The following CHAD variants were observed in gnomAD, a reference collection of about 807,000 sequenced individuals.
The protein encoded by CHAD is chondroadherin.
CHAD carries 18 observed loss-of-function variants against 24.0 expected under a neutral mutation model. That is an observed-to-expected ratio of 0.75 (90% CI 0.52 to 1.11). The LOEUF (loss-of-function observed/expected upper bound fraction) is 1.11, where lower values mean the gene tolerates loss of function less well. Ranked by LOEUF, CHAD falls within the 50% of genes most tolerant of loss-of-function variation. The probability of loss-of-function intolerance (pLI) is 0.00; values close to 1 mark genes in which losing one functional copy is unlikely to be tolerated. For synonymous variants in CHAD, 195 were observed against 211.6 expected, an observed-to-expected ratio of 0.92 and a Z score of 0.68; for missense variants, 440 against 467.2, an observed-to-expected ratio of 0.94 and a Z score of 0.54.
Position 50,465,784 on chromosome 17 carries a change from G to A in CHAD, c.861C>T (p.Phe287=). Residue 287 remains phenylalanine, a synonymous_variant, in exon 2 of 4, where the codon TTC becomes TTT. Transcript: ENST00000508540. Reference sequence around the variant, plus strand: ...CGAGGGTCTCCAGGCTGTCGAAGGGGAAGTTGGAGGGTAGCTGGTTCAAGC... The same window carrying A: ...CGAGGGTCTCCAGGCTGTCGAAGGGAAAGTTGGAGGGTAGCTGGTTCAAGC... The part of the protein sequence containing the change: ...NNRLNQLPSN[F]PFDSLETLAL... The A allele has an allele frequency of 6.2e-7, 1 of 1,613,886 alleles. No individual in the cohort carries two copies. The highest frequency in any genetic ancestry group is 8.5e-7 in the Non-Finnish European group (1 of 1,179,996).
rs34864120 is a variant in CHAD, at chr17:50,468,235, G to A, written c.579C>T (p.Asp193=). The change falls in exon 1 of 4, where the codon GAC becomes GAT. Residue 193 remains aspartate, a synonymous_variant. Transcript: ENST00000508540. ...CGTGGAATTTGGCGAGGTTCTCCAC[G>A]TCGTCCAGGGCCCCGGGCTGCAGGG... The part of the protein sequence containing the change: ...LSSLQPGALD[D]VENLAKFHVD... 0.28 allele frequency: 451,523 copies of A among 1,611,890 alleles called. 65,678 individuals carry two copies. Among genetic ancestry groups the A allele is most frequent in the Middle Eastern group, 0.32 (1,944 of 6,054 alleles).
At chr17:50,466,280 G>A (rs1318526663) in intron 1 of CHAD, among the ~76,000 whole-genome samples, 4 of 151,728 alleles carry the variant, frequency 2.6e-5, no homozygotes, top group African/African-American at 9.7e-5. Context: ...TAGTAGAGAC[G>A]CAGTTTCACC....
chr17:50,465,732 T>TA lies in CHAD; in HGVS notation c.912dup (p.Thr305TyrfsTer35). ...CGCCGAAGGCCCCGGAGCTGGCAGG[T>TA]ACACTTCCAGGGGTTATTGGTAAGG... On this transcript the variant is annotated frameshift_variant, in exon 2 of 4. Coordinates refer to ENST00000508540, the MANE Select transcript of CHAD (RefSeq NM_001267.3). LOFTEE classifies it high-confidence loss of function. 6.2e-7 allele frequency: 1 copy of TA among 1,613,516 alleles called. No homozygotes were observed. The highest frequency in any genetic ancestry group is 8.5e-7 in the Non-Finnish European group (1 of 1,179,914).
At chr17:50,467,656 T>C (rs2143767669) in intron 1 of CHAD, among the ~76,000 whole-genome samples, 1 of 152,180 alleles carries the variant, frequency 6.6e-6, no homozygotes, top group South Asian at 2.1e-4. Flanking sequence ...AAACCTTCCT[T>C]TATGGGGTGG....
In CHAD at chr17:50,465,706, C is replaced by T; in HGVS notation, c.938+1G>A. 1 of 1,613,274 alleles carries T rather than the reference C, an allele frequency of 6.2e-7. No individual in the cohort carries two copies. Among genetic ancestry groups the T allele is most frequent in the Non-Finnish European group, 8.5e-7 (1 of 1,179,874 alleles). On this transcript the variant is annotated splice_donor_variant, in intron 2 of 3. Coordinates refer to ENST00000508540, the MANE Select transcript of CHAD (RefSeq NM_001267.3). LOFTEE classifies it high-confidence loss of function. ...TGGGAGTGACATGGAAGTGTTCTTA[C>T]CGCCGAAGGCCCCGGAGCTGGCAGG... is the stretch of plus-strand genomic sequence containing the variant.
chr17:50,465,134 T>C (rs1315717014), intron 3 of CHAD, 85 bp from the exon 4 acceptor site: 2 of 759,278 alleles, frequency 2.6e-6, no homozygotes, highest in Non-Finnish European at 2.1e-6. Context: ...GGCAGGACCT[T>C]TTCCTCCCTT....
Position 50,464,951 on chromosome 17 carries a change from G to A in CHAD, c.*103C>T. 1 of 358,662 alleles carries A rather than the reference G, an allele frequency of 2.8e-6. No individual in the cohort carries two copies. Among genetic ancestry groups the A allele is most frequent in the Non-Finnish European group, 5.3e-6 (1 of 187,838 alleles). 22.2% of individuals were successfully genotyped at this position (358,662 alleles called of 1,614,324 possible). On this transcript the variant is annotated 3_prime_UTR_variant, in exon 4 of 4. Transcript: ENST00000508540. ...TAGGTGTAGGCAGCTCTGTGCATCA[G>A]CAGAGGCTGTGGGGAGAAGGTATGG...
chr17:50,466,820 A>G (rs1408737820), intron 1 of CHAD, among the ~76,000 whole-genome samples: 1 of 152,088 alleles, frequency 6.6e-6, no homozygotes, highest in Non-Finnish European at 1.5e-5. Context: ...CCTGCCCCAA[A>G]CCAGCCCCTA....
rs2032939499 is a variant in CHAD, at chr17:50,468,873, C to T, written c.-60G>A. On this transcript the variant is annotated 5_prime_UTR_variant, in exon 1 of 4. Transcript: ENST00000508540. ...AGCGGCGGCGGGGCGCGGGCAGCGG[C>T]GAGTCCTAGGCGCTCGGGTCTGCCG... 2.1e-6 allele frequency: 3 copies of T among 1,444,884 alleles called. No homozygotes were observed. Among genetic ancestry groups the T allele is most frequent in the South Asian group, 1.5e-5 (1 of 67,968 alleles). 89.5% of individuals were successfully genotyped at this position (1,444,884 alleles called of 1,614,324 possible).
Position 50,468,715 on chromosome 17 carries a change from C to T in CHAD, c.99G>A (p.Leu33=), listed in dbSNP as rs1340482084. 1.2e-6 allele frequency: 2 copies of T among 1,612,442 alleles called. No homozygotes were observed. The highest frequency in any genetic ancestry group is 2.2e-5 in the South Asian group (2 of 91,044). The change falls in exon 1 of 4, where the codon CTG becomes CTA. Residue 33 remains leucine, a synonymous_variant. Transcript: ENST00000508540. ...CCACCTTGTCGCAGATGACGTGCTG[C>T]AGGTCGCTGTGGCAGTGGCAGTTCT... ...CPQNCHCHSD[L]QHVICDKVGL...
At chr17:50,466,874 T>A (rs533866405) in intron 1 of CHAD, among the ~76,000 whole-genome samples, 1 of 152,224 alleles carries the variant, frequency 6.6e-6, no homozygotes, top group Non-Finnish European at 1.5e-5. Context: ...CTGGCACTGG[T>A]GGGCCACAGG....
Position 50,468,839 on chromosome 17 carries a change from G to T in CHAD, c.-26C>A, listed in dbSNP as rs1016584143. The T allele has an allele frequency of 4.8e-6, 7 of 1,464,200 alleles. No homozygotes were observed. The highest frequency in any genetic ancestry group is 6.3e-6 in the Non-Finnish European group (7 of 1,117,376). The allele number at this position is 1,464,200 out of a possible 1,614,324, so 90.7% of individuals were successfully genotyped here. ...GGCTGGGACGCCTGGGGCCGGGGCT[G>T]GGGGCAGCAGCGGCGGCGGGGCGCG... On this transcript the variant is annotated 5_prime_UTR_variant, in exon 1 of 4. Coordinates refer to ENST00000508540, the MANE Select transcript of CHAD (RefSeq NM_001267.3).
chr17:50,466,279 C>T (rs1279780840), intron 1 of CHAD, among the ~76,000 whole-genome samples: 19 of 151,872 alleles, frequency 1.3e-4, no homozygotes, highest in African/African-American at 3.6e-4. Context: ...TTAGTAGAGA[C>T]GCAGTTTCAC....
chr17:50,466,126 G>C (rs547145954), intron 1 of CHAD, among the ~76,000 whole-genome samples: 22 of 118,438 alleles, frequency 1.9e-4, no homozygotes. Flanking sequence ...TCACTGTGTT[G>C]CCCAGGCTGG....
rs1258320209 is a variant in CHAD, at chr17:50,464,634, A to C, written c.*420T>G. ...GGCAGAGTTGGGGCATGGGCTTTAA[A>C]ACCCTTTCTGGAAGCAAGGGGTGGG... is the stretch of plus-strand genomic sequence containing the variant. On this transcript the variant is annotated 3_prime_UTR_variant, in exon 4 of 4. Coordinates refer to ENST00000508540, the MANE Select transcript of CHAD (RefSeq NM_001267.3). 8.0e-6 allele frequency: 4 copies of C among 501,274 alleles called. No individual in the cohort carries two copies. Among genetic ancestry groups the C allele is most frequent in the Middle Eastern group, 3.0e-4 (1 of 3,314 alleles). 31.1% of individuals were successfully genotyped at this position (501,274 alleles called of 1,614,324 possible). A position where few individuals can be genotyped will look rare whatever the true frequency, so the allele number is the denominator to read the frequency against.
chr17:50,468,032 G>C lies in CHAD; in HGVS notation c.774+8C>G, dbSNP rs1393161435. ...GAACCAGGGCAGAGCCCACAGCCAGGAGCTCACCTTCTCCAGGTTGGTGTT... is the reference window on the plus strand; with the variant it reads ...GAACCAGGGCAGAGCCCACAGCCAGCAGCTCACCTTCTCCAGGTTGGTGTT... On this transcript the variant is annotated splice_region_variant and intron_variant, in intron 1 of 3. Coordinates refer to ENST00000508540, the MANE Select transcript of CHAD (RefSeq NM_001267.3). 2 of 1,573,556 alleles carry C rather than the reference G, an allele frequency of 1.3e-6. No homozygotes were observed. The highest frequency in any genetic ancestry group is 2.4e-5 in the South Asian group (2 of 84,780).
rs1249465299 is a variant in CHAD, at chr17:50,468,540, C to G, written c.274G>C (p.Ala92Pro). Residue 92 changes from alanine (A) to proline (P), a missense_variant, in exon 1 of 4, where the codon GCC (alanine) becomes CCC (proline). Ala to Pro is a conservative substitution (Grantham distance 27). Coordinates refer to ENST00000508540, the MANE Select transcript of CHAD (RefSeq NM_001267.3). ...LQHCQIREVA[A>P]GAFRGLKQLI... is the part of the protein sequence containing the mutation. ...TGCTTGAGGCCGCGGAAGGCACCGG[C>G]GGCCACCTCGCGGATCTGGCAGTGC... 1.2e-6 allele frequency: 2 copies of G among 1,614,236 alleles called. No individual in the cohort carries two copies. Among genetic ancestry groups the G allele is most frequent in the Non-Finnish European group, 1.7e-6 (2 of 1,180,038 alleles).
Position 50,464,942 on chromosome 17 carries a change from T to G in CHAD, c.*112A>C, listed in dbSNP as rs2032599325. 5.7e-6 allele frequency: 2 copies of G among 352,022 alleles called. No homozygotes were observed. Among genetic ancestry groups the G allele is most frequent in the South Asian group, 4.9e-5 (2 of 40,416 alleles). 21.8% of individuals were successfully genotyped at this position (352,022 alleles called of 1,614,324 possible). ...GGACGTGTCTAGGTGTAGGCAGCTC[T>G]GTGCATCAGCAGAGGCTGTGGGGAG... On this transcript the variant is annotated 3_prime_UTR_variant, in exon 4 of 4. Coordinates refer to ENST00000508540, the MANE Select transcript of CHAD (RefSeq NM_001267.3).
rs149022149 is a variant in CHAD, at chr17:50,465,020, G to T, written c.*34C>A. On this transcript the variant is annotated 3_prime_UTR_variant, in exon 4 of 4. Transcript: ENST00000508540. ...GTAGTCTCTCCGGTGGAAGGCAGAGGCCAGTCACCAGGACTGGCTGGGTCA... is the reference window on the plus strand; with the variant it reads ...GTAGTCTCTCCGGTGGAAGGCAGAGTCCAGTCACCAGGACTGGCTGGGTCA... 4.7e-3 allele frequency: 2,181 copies of T among 466,474 alleles called. 13 individuals are homozygous for T. The highest frequency in any genetic ancestry group is 6.6e-3 in the Non-Finnish European group (1,680 of 255,480). 28.9% of individuals were successfully genotyped at this position (466,474 alleles called of 1,614,324 possible).
Sources: allele counts gnomAD v4.1 joint callset (sites outside exome capture counted in the v4.1 genomes callset), GRCh38; gene constraint gnomAD v4.1.1; transcripts MANE v1.5; gene names NCBI Gene and HGNC (gene_info 2026-07-23, HGNC 2026-07-21).